Variants in BBOX1 observed in about 807,000 individuals in gnomAD.
BBOX1 encodes gamma-butyrobetaine hydroxylase 1.
In BBOX1, 35 loss-of-function variants were observed where a neutral mutation model predicts 41.6. The observed-to-expected ratio is 0.84, with a 90% confidence interval of 0.64 to 1.11. The LOEUF is 1.11. Among genes scored for constraint, BBOX1 ranks in the 50% most tolerant of loss-of-function variants. BBOX1 has a pLI of 0.00. For synonymous variants in BBOX1, 163 were observed against 154.7 expected (o/e 1.05, Z -0.40); for missense variants, 458 against 460.6 (o/e 0.99, Z 0.05).
chr11:27,127,505 T>TA lies in BBOX1; in HGVS notation c.*53dup. 1.9e-6 allele frequency: 3 copies of TA among 1,540,016 alleles called. No homozygotes were observed. Among genetic ancestry groups the TA allele is most frequent in the Non-Finnish European group, 2.6e-6 (3 of 1,138,962 alleles). ...ATTCCAATGACCATATTTTGTGAGA[T>TA]ATGGCACATTATTCACAGACCATGA... is the stretch of plus-strand genomic sequence containing the variant. On this transcript the variant is annotated 3_prime_UTR_variant, in exon 9 of 9. Transcript: ENST00000263182.
chr11:27,100,699 T>G (rs965225619), intron 5 of BBOX1, among the ~76,000 whole-genome samples: 1 of 152,166 alleles, frequency 6.6e-6, no homozygotes, highest in African/African-American at 2.4e-5. Flanking sequence ...TAATTAATAC[T>G]GCTGCCAACA....
chr11:27,075,044 T>C (rs934290220), intron 4 of BBOX1, among the ~76,000 whole-genome samples: 1 of 152,218 alleles, frequency 6.6e-6, no homozygotes, highest in Admixed American at 6.5e-5. Flanking sequence ...AGAACCCTGT[T>C]TTTTTATACT....
Position 27,048,749 on chromosome 11 carries a change from CT to C in BBOX1, c.-38-6627del, listed in dbSNP as rs35376713. Among the ~76,000 whole-genome samples the C allele has an allele frequency of 2.4e-3, 321 of 132,936 alleles. 2 individuals are homozygous for C. The highest frequency in any genetic ancestry group is 3.6e-3 in the East Asian group (16 of 4,402). The allele number at this position is 132,936 out of a possible 152,430, so 87.2% of individuals were successfully genotyped here. A position where few individuals can be genotyped will look rare whatever the true frequency, so the allele number is the denominator to read the frequency against. On this transcript the variant is annotated intron_variant, in intron 2 of 8. Transcript: ENST00000263182. ...TAATGATACTGCTGGAATGGTAGTT[CT>C]TTTTTTTTTTTTTTTTATACTTTAA...
At chr11:27,046,475 T>C (rs141273047) in intron 2 of BBOX1, among the ~76,000 whole-genome samples, 1 of 150,592 alleles carries the variant, frequency 6.6e-6, no homozygotes, top group Non-Finnish European at 1.5e-5. Flanking sequence ...ACACATGTAT[T>C]AATATGAAGT....
At chr11:27,106,524 G>A (rs181428050) in intron 5 of BBOX1, among the ~76,000 whole-genome samples, 5 of 151,650 alleles carry the variant, frequency 3.3e-5, no homozygotes, top group African/African-American at 4.8e-5. Flanking sequence ...GGGATCAATT[G>A]AACAAGAACT....
At chr11:27,044,369 T>C (rs1851433706) in intron 2 of BBOX1, among the ~76,000 whole-genome samples, 2 of 152,206 alleles carry the variant, frequency 1.3e-5, no homozygotes, top group African/African-American at 2.4e-5. Context: ...TGCAAAAATT[T>C]TCTCCCATTC....
chr11:27,121,142 G>A (rs1196268042), intron 7 of BBOX1, among the ~76,000 whole-genome samples: 1 of 152,098 alleles, frequency 6.6e-6, no homozygotes, highest in Non-Finnish European at 1.5e-5. Context: ...TTAAACGAGT[G>A]ATGGAGTTTT....
intron 4 of BBOX1, among the ~76,000 whole-genome samples, chr11:27,082,311 C>G (rs948292575): frequency 1.3e-5 from 2 of 152,052 alleles, no homozygotes; most frequent in Non-Finnish European, 2.9e-5. Context: ...AAGAAAGAAG[C>G]TGTGACAATT....
chr11:27,119,388 T>G (rs1489024963), intron 6 of BBOX1, among the ~76,000 whole-genome samples: 1 of 152,012 alleles, frequency 6.6e-6, no homozygotes, highest in Non-Finnish European at 1.5e-5. Context: ...CATCTATGTC[T>G]TCAACTGTAA....
rs1859393356 is a variant in BBOX1 at position 27,119,646 on chromosome 11, T to C, written c.640-3T>C. On this transcript the variant is annotated splice_polypyrimidine_tract_variant and splice_region_variant and intron_variant, in intron 6 of 8. Transcript: ENST00000263182. Reference sequence around the variant, plus strand: ...TTTAATAATGCATATTTTCTTTTTATAGGTTCAGCTTCTTCACTGCATAAA... The same window carrying C: ...TTTAATAATGCATATTTTCTTTTTACAGGTTCAGCTTCTTCACTGCATAAA... 2.1e-5 allele frequency: 29 copies of C among 1,383,394 alleles called. No individual in the cohort carries two copies. Among genetic ancestry groups the C allele is most frequent in the Non-Finnish European group, 2.6e-5 (28 of 1,064,046 alleles). The allele number at this position is 1,383,394 out of a possible 1,614,324, so 85.7% of individuals were successfully genotyped here.
intron 4 of BBOX1, among the ~76,000 whole-genome samples, chr11:27,073,095 A>G (rs1481539719): frequency 1.3e-5 from 2 of 152,200 alleles, no homozygotes; most frequent in Non-Finnish European, 2.9e-5. Flanking sequence ...GCTTCTGCAC[A>G]GCAAAAGAAA....
At chr11:27,105,003 A>G (rs1858811454) in intron 5 of BBOX1, among the ~76,000 whole-genome samples, 1 of 152,150 alleles carries the variant, frequency 6.6e-6, no homozygotes, top group Non-Finnish European at 1.5e-5. Context: ...ACCTCCAGCA[A>G]ACTCCAACAG....
At chr11:27,121,340 G>T (rs961027829) in intron 7 of BBOX1, among the ~76,000 whole-genome samples, 2 of 152,278 alleles carry the variant, frequency 1.3e-5, no homozygotes, top group Admixed American at 6.5e-5. Flanking sequence ...AATTATAACA[G>T]TAACATTTAC....
chr11:27,080,131 C>A (rs1857785912), intron 4 of BBOX1, among the ~76,000 whole-genome samples: 1 of 152,078 alleles, frequency 6.6e-6, no homozygotes, highest in Non-Finnish European at 1.5e-5. Flanking sequence ...CAATAACTCC[C>A]AGGCAGCATT....
intron 4 of BBOX1, among the ~76,000 whole-genome samples, chr11:27,069,080 A>G (rs921199300): frequency 6.6e-6 from 1 of 151,418 alleles, no homozygotes; most frequent in Admixed American, 6.6e-5. Context: ...TTGGTTCCAT[A>G]TGAATTTTGG....
chr11:27,053,942 A>C (rs547772618), intron 2 of BBOX1, among the ~76,000 whole-genome samples: 1 of 152,322 alleles, frequency 6.6e-6, no homozygotes, highest in East Asian at 1.9e-4. Context: ...CTAAAGGGAC[A>C]AAGCAATATT....
chr11:27,059,247 G>A (rs559823675), intron 4 of BBOX1, among the ~76,000 whole-genome samples: 1 of 152,362 alleles, frequency 6.6e-6, no homozygotes, highest in Non-Finnish European at 1.5e-5. Context: ...AAGACTTGGT[G>A]GCTTCCATGT....
At position 27,115,534 on chromosome 11, in the gene BBOX1, C is replaced by G. The variant is rs757649924; in HGVS notation, c.616C>G (p.Pro206Ala). ...TGKLSFHTDY[P>A]ALHHPPGVQL... ...GAAGCTAAGCTTTCACACTGATTAT[C>G]CAGCCCTCCATCATCCACCTGGGGT... is the stretch of plus-strand genomic sequence containing the variant. Residue 206 changes from proline to alanine, a missense_variant, in exon 6 of 9, where the codon CCA becomes GCA. Physicochemically the swap from Pro to Ala is conservative, Grantham distance 27. Coordinates refer to ENST00000263182, the MANE Select transcript of BBOX1 (RefSeq NM_003986.3). 2.5e-6 allele frequency: 4 copies of G among 1,610,542 alleles called. No individual in the cohort carries two copies. The highest frequency in any genetic ancestry group is 1.7e-6 in the Non-Finnish European group (2 of 1,177,838).
chr11:27,091,733 T>A lies in BBOX1; in HGVS notation c.335-1435T>A, dbSNP rs2016186. On this transcript the variant is annotated intron_variant, in intron 4 of 8. Transcript: ENST00000263182. ...AAATTAGGGATTCAGAACCAGTGGCTGGATATCACCTCAACTTTCAGAGAT... is the reference window on the plus strand; with the variant it reads ...AAATTAGGGATTCAGAACCAGTGGCAGGATATCACCTCAACTTTCAGAGAT... 5.3e-3 allele frequency among the ~76,000 whole-genome samples: 810 copies of A among 152,086 alleles called. 13 individuals are homozygous for A. The highest frequency in any genetic ancestry group is 0.018 in the African/African-American group (763 of 41,518).
Sources: allele counts gnomAD v4.1 joint callset (sites outside exome capture counted in the v4.1 genomes callset), GRCh38; gene constraint gnomAD v4.1.1; transcripts MANE v1.5; gene names NCBI Gene and HGNC (gene_info 2026-07-23, HGNC 2026-07-21).